Variants in CSMD3 observed in about 807,000 individuals in gnomAD.
The protein encoded by CSMD3 is CUB and Sushi multiple domains 3.
CSMD3 carries 177 observed loss-of-function variants against 435.2 expected under a neutral mutation model. The ratio of observed to expected loss-of-function variants is 0.41; its 90% CI spans 0.36 to 0.46. CSMD3 has a LOEUF of 0.46. CSMD3 is among the 20% of genes least tolerant of loss of function. The pLI is 0.34. For synonymous variants in CSMD3, 1,656 were observed against 1,520.5 expected (o/e 1.09, Z -2.07); for missense variants, 4,265 against 4,504.6 (o/e 0.95, Z 1.52).
rs1432884214 is a variant in CSMD3, at chr8:113,018,275, T to G, written c.1030+792A>C. 7.2e-5 allele frequency among the ~76,000 whole-genome samples: 11 copies of G among 151,906 alleles called. No homozygotes were observed. The South Asian group carries it at 1.9e-3, about 26-fold the overall frequency. ...AACAATATATGATTTAATGCCATTT[T>G]GAGTACTAAATATAAGCTTCCTAAA... On this transcript the variant is annotated intron_variant, in intron 6 of 70. Coordinates refer to ENST00000297405, the MANE Select transcript of CSMD3 (RefSeq NM_198123.2).
chr8:112,554,164 T>A (rs1827920845), intron 25 of CSMD3, among the ~76,000 whole-genome samples: 1 of 151,670 alleles, frequency 6.6e-6, no homozygotes, highest in African/African-American at 2.4e-5. Flanking sequence ...TAAAGCTCTA[T>A]AGATAGATAG....
In CSMD3 at chr8:112,225,504, C is replaced by T. The variant is rs1286013691; in HGVS notation, c.10965-574G>A. ...GGTTAATATGAAAAGTAACTGGAAG[C>T]CACTTTAGGAGAGGTAATAGAACAA... On this transcript the variant is annotated intron_variant, in intron 70 of 70. Coordinates refer to ENST00000297405, the MANE Select transcript of CSMD3 (RefSeq NM_198123.2). 2.0e-5 allele frequency among the ~76,000 whole-genome samples: 3 copies of T among 151,946 alleles called. No individual in the cohort carries two copies. In the East Asian group the frequency reaches 5.8e-4, roughly 29 times the overall value.
At chr8:113,297,412 T>G (rs1294359619) in intron 2 of CSMD3, among the ~76,000 whole-genome samples, 4 of 151,974 alleles carry the variant, frequency 2.6e-5, no homozygotes, top group African/African-American at 9.7e-5. Flanking sequence ...ATAGAAAACA[T>G]CAAAGTTAAC....
At chr8:112,448,397 C>T (rs547782881) in intron 32 of CSMD3, among the ~76,000 whole-genome samples, 26 of 152,086 alleles carry the variant, frequency 1.7e-4, no homozygotes, top group Non-Finnish European at 3.2e-4. Context: ...AGGGTGAGCC[C>T]TAAATCCAAT....
intron 4 of CSMD3, among the ~76,000 whole-genome samples, chr8:113,147,663 G>A (rs1172230003): frequency 6.6e-6 from 1 of 151,608 alleles, no homozygotes. Context: ...GGTGTGAGTA[G>A]GTGTGTGGAG....
At chr8:112,480,276 T>A (rs2130794315) in intron 31 of CSMD3, among the ~76,000 whole-genome samples, 1 of 152,350 alleles carries the variant, frequency 6.6e-6, no homozygotes, top group South Asian at 2.1e-4. Flanking sequence ...TAACTTGTTT[T>A]GATTTTATAG....
chr8:112,351,093 T>C, intron 40 of CSMD3, 82 bp downstream of exon 40: 1 of 882,164 alleles, frequency 1.1e-6, no homozygotes, highest in South Asian at 1.5e-5. Context: ...CTTTAAAATC[T>C]GATGAAGCTT....
intron 3 of CSMD3, among the ~76,000 whole-genome samples, chr8:113,220,012 G>A (rs575500834): frequency 1.3e-5 from 2 of 151,410 alleles, no homozygotes; most frequent in Non-Finnish European, 3.0e-5. Flanking sequence ...CCTTAAACAC[G>A]TGAAAAGATG....
At chr8:112,313,283 A>G (rs1822152581) in intron 49 of CSMD3, among the ~76,000 whole-genome samples, 1 of 152,202 alleles carries the variant, frequency 6.6e-6, no homozygotes, top group Non-Finnish European at 1.5e-5. Flanking sequence ...GAAAAGCAGT[A>G]GCGACAAAAC....
At chr8:112,931,526 G>T (rs901789681) in intron 9 of CSMD3, among the ~76,000 whole-genome samples, 3 of 150,654 alleles carry the variant, frequency 2.0e-5, no homozygotes, top group South Asian at 2.1e-4. Context: ...ATGTTCTAGG[G>T]AACTTGTCTA....
At chr8:112,762,533 TAA>T (rs1239253992) in intron 13 of CSMD3, among the ~76,000 whole-genome samples, 2 of 151,878 alleles carry the variant, frequency 1.3e-5, no homozygotes, top group East Asian at 1.9e-4. Context: ...ATTTTCTTGG[TAA>T]ACACACTGAA....
rs112353188 is a variant in CSMD3, at chr8:112,778,278, G to T, written c.1972+21884C>A. Among the ~76,000 whole-genome samples, 452 of 151,862 alleles carry T rather than the reference G, an allele frequency of 3.0e-3. 1 individual carries two copies. Among genetic ancestry groups the T allele is most frequent in the African/African-American group, 0.01 (419 of 41,478 alleles). ...CAGGCTTGGTGTTGTATATTCTGTG[G>T]GTTTTGAAAAGTATGATGGCATGTA... On this transcript the variant is annotated intron_variant, in intron 13 of 70. Transcript: ENST00000297405.
intron 22 of CSMD3, among the ~76,000 whole-genome samples, chr8:112,634,317 T>C (rs914493702): frequency 6.6e-6 from 1 of 151,970 alleles, no homozygotes; most frequent in East Asian, 1.9e-4. Context: ...CAAATTTGTT[T>C]TGAAGCATAA....
At chr8:112,653,757 T>C (rs949305868) in intron 18 of CSMD3, among the ~76,000 whole-genome samples, 1 of 151,414 alleles carries the variant, frequency 6.6e-6, no homozygotes, top group Non-Finnish European at 1.5e-5. Flanking sequence ...CCTCCCAGGT[T>C]CAAGTGATTC....
chr8:112,250,269 A>C (rs968392940), intron 63 of CSMD3, among the ~76,000 whole-genome samples: 2 of 151,966 alleles, frequency 1.3e-5, no homozygotes, highest in Non-Finnish European at 2.9e-5. Flanking sequence ...CAACTGCTTT[A>C]AATATTAACC....
At chr8:112,526,923 A>G (rs971485647) in intron 27 of CSMD3, among the ~76,000 whole-genome samples, 1 of 151,982 alleles carries the variant, frequency 6.6e-6, no homozygotes, top group Non-Finnish European at 1.5e-5. Context: ...ACATAATGAC[A>G]GGTTTTCATA....
intron 3 of CSMD3, among the ~76,000 whole-genome samples, chr8:113,183,394 G>A (rs1048614684): frequency 2.0e-5 from 3 of 151,432 alleles, no homozygotes; most frequent in Non-Finnish European, 2.9e-5. Flanking sequence ...GTTTTTTTTG[G>A]TGCCAAGGAA....
chr8:112,685,432 C>A lies in CSMD3; in HGVS notation c.2456G>T (p.Gly819Val), dbSNP rs763936328. 3 of 1,613,736 alleles carry A rather than the reference C, an allele frequency of 1.9e-6. No individual in the cohort carries two copies. Among genetic ancestry groups the A allele is most frequent in the Non-Finnish European group, 2.5e-6 (3 of 1,179,890 alleles). ...LEFQADHSMSGRGFNITYNTF... is the reference protein window; with the variant it reads ...LEFQADHSMSVRGFNITYNTF... ...GTTGTAAGTGATGTTAAAGCCACGT[C>A]CTGACATTGAGTGGTCAGCCTGAAA... is the stretch of plus-strand genomic sequence containing the variant. Residue 819 changes from glycine (G) to valine (V), a missense_variant, in exon 15 of 71, where the codon GGA (glycine) becomes GTA (valine). Coordinates refer to ENST00000297405, the MANE Select transcript of CSMD3 (RefSeq NM_198123.2).
At chr8:112,269,128 T>C (rs1023521736) in intron 59 of CSMD3, among the ~76,000 whole-genome samples, 5 of 152,206 alleles carry the variant, frequency 3.3e-5, no homozygotes, top group African/African-American at 1.2e-4. Flanking sequence ...TGCTGAGGAA[T>C]AGCTCTCACT....
Sources: gnomAD v4.1 joint callset for allele counts (sites outside exome capture counted in the v4.1 genomes callset) on GRCh38, gnomAD v4.1.1 for gene constraint, MANE v1.5 for transcripts, NCBI Gene and HGNC (gene_info 2026-07-23, HGNC 2026-07-21) for gene names.